Variants in SNX32 observed in about 807,000 individuals in gnomAD.
SNX32 encodes sorting nexin 32.
In SNX32, 58 loss-of-function variants were observed where a neutral mutation model predicts 57.0. That is an observed-to-expected ratio of 1.02 (90% CI 0.82 to 1.27). SNX32 has a LOEUF of 1.27. Among genes scored for constraint, SNX32 ranks in the 50% most tolerant of loss-of-function variants. The pLI is 0.00. For missense variants in SNX32, 589 were observed against 541.2 expected, an observed-to-expected ratio of 1.09 and a Z score of -0.88; for synonymous variants, 262 against 220.4, an observed-to-expected ratio of 1.19 and a Z score of -1.67.
chr11:65,848,082 C>G (rs1224188797), intron 1 of SNX32, among the ~76,000 whole-genome samples: 11 of 152,066 alleles, frequency 7.2e-5, no homozygotes, highest in Non-Finnish European at 1.6e-4. Flanking sequence ...CAAGGTCTTG[C>G]CTGTTTCTGG....
At chr11:65,853,238 A>T in intron 12 of SNX32, 44 bp from the exon 13 acceptor site, 2 of 1,613,394 alleles carry the variant, frequency 1.2e-6, no homozygotes, top group Non-Finnish European at 8.5e-7. Context: ...TGGCAGCCTG[A>T]CTCAGGGAGC....
intron 1 of SNX32, 57 bp downstream of exon 1, chr11:65,834,158 GAT>G (rs1858582677): frequency 2.0e-6 from 3 of 1,515,970 alleles, no homozygotes; most frequent in South Asian, 2.4e-5. Flanking sequence ...GAAAGCCCGT[GAT>G]GCCCAATCAT....
intron 1 of SNX32, among the ~76,000 whole-genome samples, chr11:65,847,991 G>A (rs61893863): frequency 0.02 from 3,060 of 152,180 alleles, 40 homozygotes; most frequent in Non-Finnish European, 0.03. Flanking sequence ...CCTTCATGCC[G>A]GACAGCCAGG....
rs1859200637 is a variant in SNX32, at chr11:65,851,634, TC to T, written c.786-4del. ...CTACCCTAACTCCCTCCCTACTGCT[TC>T]CTAGGAGCTTCCTCAAATTGGCAGA... On this transcript the variant is annotated splice_region_variant and splice_polypyrimidine_tract_variant and intron_variant, in intron 8 of 12. Transcript: ENST00000308342. 1 of 1,614,028 alleles carries T rather than the reference TC, an allele frequency of 6.2e-7. No homozygotes were observed. The highest frequency in any genetic ancestry group is 1.3e-5 in the African/African-American group (1 of 75,040).
In SNX32 at chr11:65,851,624, C is replaced by T. The variant is rs763419234; in HGVS notation, c.786-16C>T. On this transcript the variant is annotated splice_polypyrimidine_tract_variant and intron_variant, in intron 8 of 12. Coordinates refer to ENST00000308342, the MANE Select transcript of SNX32 (RefSeq NM_152760.3). Reference sequence around the variant, plus strand: ...CCTCAGCCCCCTACCCTAACTCCCTCCCTACTGCTTCCTAGGAGCTTCCTC... The same window carrying T: ...CCTCAGCCCCCTACCCTAACTCCCTTCCTACTGCTTCCTAGGAGCTTCCTC... 2 of 1,614,030 alleles carry T rather than the reference C, an allele frequency of 1.2e-6. No homozygotes were observed. Among genetic ancestry groups the T allele is most frequent in the Non-Finnish European group, 1.7e-6 (2 of 1,179,946 alleles).
At chr11:65,850,091 G>A in intron 3 of SNX32, 59 bp from the exon 4 acceptor site, 2 of 1,614,214 alleles carry the variant, frequency 1.2e-6, no homozygotes, top group Non-Finnish European at 1.7e-6. Context: ...GAGGACCAAA[G>A]GCTGTGATGG....
At chr11:65,843,806 G>T (rs1403924427) in intron 1 of SNX32, among the ~76,000 whole-genome samples, 2 of 152,138 alleles carry the variant, frequency 1.3e-5, no homozygotes, top group Non-Finnish European at 2.9e-5. Flanking sequence ...ACTGACAAAA[G>T]GTATAATCAA....
intron 2 of SNX32, 123 bp from the exon 3 acceptor site, chr11:65,849,797 C>T (rs1323306011): frequency 2.5e-6 from 2 of 815,882 alleles, no homozygotes; most frequent in Admixed American, 2.7e-5. Flanking sequence ...ATCATGCACA[C>T]CTGAGCTCTA....
In SNX32 at chr11:65,849,594, C is replaced by T. The variant is rs776432644; in HGVS notation, c.141+12C>T. 8.7e-6 allele frequency: 14 copies of T among 1,610,720 alleles called. No homozygotes were observed. The highest frequency in any genetic ancestry group is 3.3e-5 in the Admixed American group (2 of 59,898). On this transcript the variant is annotated intron_variant, in intron 2 of 12. Transcript: ENST00000308342. ...CTGTTCAAACAAAGGTGAGGCAGTG[C>T]GGGGCACGAGGAAAGGTCCTGGTGG...
chr11:65,851,905 G>A (rs1024224561), intron 9 of SNX32, among the ~76,000 whole-genome samples: 3 of 152,134 alleles, frequency 2.0e-5, no homozygotes, highest in African/African-American at 4.8e-5. Context: ...ATGTATGCAC[G>A]TGTGCAGCAG....
At chr11:65,835,286 T>C (rs1171172840) in intron 1 of SNX32, among the ~76,000 whole-genome samples, 4 of 137,416 alleles carry the variant, frequency 2.9e-5, no homozygotes, top group South Asian at 2.6e-4. Flanking sequence ...CTGTCACTCT[T>C]ACCCTCCCCA....
In SNX32 at chr11:65,852,851, T is replaced by C. The variant is rs775583362; in HGVS notation, c.1073-22T>C. ...ATGCCCTGCCCTGCCCGGATCCCCA[T>C]GCCTCTTCCCCTCCTCTCCAGAGCT... is the stretch of plus-strand genomic sequence containing the variant. On this transcript the variant is annotated intron_variant, in intron 11 of 12. Coordinates refer to ENST00000308342, the MANE Select transcript of SNX32 (RefSeq NM_152760.3). 4.3e-6 allele frequency: 7 copies of C among 1,613,786 alleles called. No individual in the cohort carries two copies. The Admixed American group carries it at 5.0e-5, about 12-fold the overall frequency.
rs768812681 is a variant in SNX32, at chr11:65,852,678, AACAAGGCGCTGG to A, written c.971_982del (p.Leu324_Ala327del). ...GGCACTGGCCGACTACGAGAATGCC[AACAAGGCGCTGG>A]ACAAGGCGCGCACCAGGAACCGGGA... is the stretch of plus-strand genomic sequence containing the variant. On this transcript the variant is annotated inframe_deletion, in exon 11 of 13. Coordinates refer to ENST00000308342, the MANE Select transcript of SNX32 (RefSeq NM_152760.3). 3 of 1,597,760 alleles carry A rather than the reference AACAAGGCGCTGG, an allele frequency of 1.9e-6. No homozygotes were observed. In the African/African-American group the frequency reaches 4.0e-5, roughly 21 times the overall value.
intron 1 of SNX32, among the ~76,000 whole-genome samples, chr11:65,845,543 C>G (rs1324649125): frequency 2.0e-5 from 3 of 151,622 alleles, no homozygotes; most frequent in African/African-American, 7.3e-5. Context: ...TTGAGACCAA[C>G]CTGGCCAACA....
intron 1 of SNX32, among the ~76,000 whole-genome samples, chr11:65,844,787 C>T (rs1461362451): frequency 2.0e-5 from 3 of 150,966 alleles, no homozygotes; most frequent in Non-Finnish European, 3.0e-5. Context: ...GCCAACATGG[C>T]GAAACCCCAT....
At position 65,850,525 on chromosome 11, in the gene SNX32, TTC is replaced by T; in HGVS notation, c.471_472del (p.Phe158CysfsTer33). On this transcript the variant is annotated frameshift_variant, in exon 5 of 13. Coordinates refer to ENST00000308342, the MANE Select transcript of SNX32 (RefSeq NM_152760.3). LOFTEE classifies it high-confidence loss of function. ...CCCCACCCTGCGTCGAGACCACAAC[TTC>T]TTTGTGTTTTTGGAATATGGACAGG... The part of the protein sequence containing the change: ...AHPTLRRDHN[F>X]FVFLEYGQDL... The T allele has an allele frequency of 6.2e-7, 1 of 1,612,514 alleles. No homozygotes were observed. Among genetic ancestry groups the T allele is most frequent in the South Asian group, 1.1e-5 (1 of 90,878 alleles).
intron 1 of SNX32, among the ~76,000 whole-genome samples, chr11:65,836,414 C>A (rs1459297348): frequency 6.6e-6 from 1 of 151,934 alleles, no homozygotes; most frequent in African/African-American, 2.4e-5. Flanking sequence ...CGTGGTGGTG[C>A]GCACCTGTAA....
chr11:65,850,965 T>C lies in SNX32; in HGVS notation c.604-90T>C, dbSNP rs1859167122. ...AAGCCACTGGTGGGGCCTGGCCTGGTTTGGAAGGAGATTTTGCCAACCCTG... is the reference window on the plus strand; with the variant it reads ...AAGCCACTGGTGGGGCCTGGCCTGGCTTGGAAGGAGATTTTGCCAACCCTG... On this transcript the variant is annotated intron_variant, in intron 6 of 12. Transcript: ENST00000308342. 10 of 1,501,734 alleles carry C rather than the reference T, an allele frequency of 6.7e-6. No homozygotes were observed. The South Asian group carries it at 1.0e-4, about 15-fold the overall frequency. 93.0% of individuals were successfully genotyped at this position (1,501,734 alleles called of 1,614,324 possible).
At chr11:65,852,444 G>A (rs144770455) in intron 9 of SNX32, 21 bp from the exon 10 acceptor site, 4 of 1,611,918 alleles carry the variant, frequency 2.5e-6, no homozygotes, top group Non-Finnish European at 3.4e-6. Flanking sequence ...TCCCTTCCCA[G>A]TGCCCACCTT....
Sources: allele counts gnomAD v4.1 joint callset (sites outside exome capture counted in the v4.1 genomes callset), GRCh38; gene constraint gnomAD v4.1.1; transcripts MANE v1.5; gene names NCBI Gene and HGNC (gene_info 2026-07-23, HGNC 2026-07-21).